Variants in PRLR observed in about 807,000 individuals in gnomAD.
PRLR encodes hPRL receptor.
Under a neutral mutation model 40.2 loss-of-function variants are expected in PRLR, and 13 were observed. The observed-to-expected ratio is 0.32, with a 90% CI of 0.21 to 0.51. The LOEUF (loss-of-function observed/expected upper bound fraction) is 0.51. Among genes scored for constraint, PRLR ranks in the 20% least tolerant of loss-of-function variants. The pLI, the probability that PRLR is intolerant of heterozygous loss-of-function variation, is 0.97. For synonymous variants in PRLR, 269 were observed against 278.7 expected (o/e 0.97, Z 0.35); for missense variants, 656 against 747.3 (o/e 0.88, Z 1.42).
chr5:35,050,595 TG>T (rs1768462186), intron 8 of PRLR, among the ~76,000 whole-genome samples: 2 of 152,116 alleles, frequency 1.3e-5, no homozygotes, highest in Admixed American at 6.5e-5. Flanking sequence ...ACTTCACAAA[TG>T]GGGAAACTTG....
intron 2 of PRLR, among the ~76,000 whole-genome samples, chr5:35,090,237 A>G (rs1771114310): frequency 1.3e-5 from 2 of 152,208 alleles, no homozygotes; most frequent in Admixed American, 1.3e-4. Context: ...GTGAACCTCC[A>G]CGTGGTTTCT....
At chr5:35,177,939 G>T (rs1205742677) in intron 1 of PRLR, among the ~76,000 whole-genome samples, 1 of 151,042 alleles carries the variant, frequency 6.6e-6, no homozygotes, top group African/African-American at 2.4e-5. Context: ...GTGTATGAGG[G>T]TTCTAAATTG....
At chr5:35,098,170 G>A (rs1484412043) in intron 2 of PRLR, among the ~76,000 whole-genome samples, 1 of 152,182 alleles carries the variant, frequency 6.6e-6, no homozygotes, top group Non-Finnish European at 1.5e-5. Flanking sequence ...TGGCCCATGG[G>A]ATGTGAATGG....
intron 1 of PRLR, among the ~76,000 whole-genome samples, chr5:35,222,683 A>AT (rs1167167203): frequency 6.6e-6 from 1 of 152,174 alleles, no homozygotes; most frequent in East Asian, 1.9e-4. Context: ...AAGAAATAAC[A>AT]TTCTAACACC....
intron 1 of PRLR, among the ~76,000 whole-genome samples, chr5:35,151,584 A>G (rs901018821): frequency 6.6e-6 from 1 of 152,086 alleles, no homozygotes; most frequent in African/African-American, 2.4e-5. Flanking sequence ...CTAGATCAGA[A>G]AAGGCCAAGT....
intron 1 of PRLR, among the ~76,000 whole-genome samples, chr5:35,200,265 C>G (rs1046787198): frequency 1.3e-5 from 2 of 152,194 alleles, no homozygotes; most frequent in Non-Finnish European, 2.9e-5. Context: ...TGGCAGCTCT[C>G]CTGATAATCA....
chr5:35,113,868 G>A (rs1395489926), intron 2 of PRLR, among the ~76,000 whole-genome samples: 1 of 152,204 alleles, frequency 6.6e-6, no homozygotes, highest in Non-Finnish European at 1.5e-5. Context: ...ATAGCCCTGA[G>A]TATAGCTGGG....
intron 1 of PRLR, among the ~76,000 whole-genome samples, chr5:35,153,376 C>T (rs1774393522): frequency 6.6e-6 from 1 of 152,146 alleles, no homozygotes; most frequent in African/African-American, 2.4e-5. Flanking sequence ...CTGGGATTGT[C>T]TCTCTCAAAA....
chr5:35,073,056 T>C (rs1418971365), intron 5 of PRLR, among the ~76,000 whole-genome samples: 1 of 152,138 alleles, frequency 6.6e-6, no homozygotes, highest in Non-Finnish European at 1.5e-5. Context: ...GACCAGGTGA[T>C]AAAAACTGGG....
chr5:35,090,354 G>A (rs979569066), intron 2 of PRLR, among the ~76,000 whole-genome samples: 12 of 152,132 alleles, frequency 7.9e-5, no homozygotes. Context: ...CAGGGGTTGG[G>A]AGTTTGGAAT....
chr5:35,052,722 T>C (rs1269074907), downstream of PRLR, among the ~76,000 whole-genome samples: 1 of 152,168 alleles, frequency 6.6e-6, no homozygotes, highest in Admixed American at 6.5e-5. Context: ...AAGACCCCCT[T>C]TCCAGAGAGG....
In PRLR at chr5:35,060,308, C is replaced by T. The variant is rs1427431185; in HGVS notation, c.*4781G>A. ...AGGCTCTGGAGAAGGAGTAAAAACC[C>T]TACAAATATGTAAAGCCAGGAAGGA... is the stretch of plus-strand genomic sequence containing the variant. On this transcript the variant is annotated 3_prime_UTR_variant, in exon 10 of 10. Coordinates refer to ENST00000618457, the MANE Select transcript of PRLR (RefSeq NM_000949.7). 6.6e-6 allele frequency: 1 copy of T among 152,122 alleles called. No homozygotes were observed. The highest frequency in any genetic ancestry group is 1.9e-4 in the East Asian group (1 of 5,194). 9.4% of individuals were successfully genotyped at this position (152,122 alleles called of 1,614,324 possible). A position where few individuals can be genotyped will look rare whatever the true frequency, so the allele number is the denominator to read the frequency against.
intron 1 of PRLR, among the ~76,000 whole-genome samples, chr5:35,125,877 G>C (rs1193121384): frequency 6.6e-6 from 1 of 152,168 alleles, no homozygotes; most frequent in Non-Finnish European, 1.5e-5. Context: ...TGTCAGCCTG[G>C]TTGGGGAACA....
chr5:35,075,366 G>A (rs1229064119), intron 5 of PRLR, among the ~76,000 whole-genome samples: 1 of 152,220 alleles, frequency 6.6e-6, no homozygotes, highest in African/African-American at 2.4e-5. Flanking sequence ...AACAGTCTTA[G>A]CAAATGGCAT....
In PRLR at chr5:35,059,217, G is replaced by A. The variant is rs988407258; in HGVS notation, c.*5872C>T. Reference sequence around the variant, plus strand: ...TTTTTTTCTTTTTAATCAGCAGCAAGCAGAATGTTAATTAATAGTCTAAGA... The same window carrying A: ...TTTTTTTCTTTTTAATCAGCAGCAAACAGAATGTTAATTAATAGTCTAAGA... On this transcript the variant is annotated 3_prime_UTR_variant, in exon 10 of 10. Transcript: ENST00000618457. 1 of 152,012 alleles carries A rather than the reference G, an allele frequency of 6.6e-6. No individual in the cohort carries two copies. The highest frequency in any genetic ancestry group is 2.1e-4 in the South Asian group (1 of 4,834). The allele number at this position is 152,012 out of a possible 1,614,324, so 9.4% of individuals were successfully genotyped here. A position where few individuals can be genotyped will look rare whatever the true frequency, so the allele number is the denominator to read the frequency against.
At position 35,090,601 on chromosome 5, in the gene PRLR, T is replaced by C. The variant is rs557034777; in HGVS notation, c.-43-938A>G. Among the ~76,000 whole-genome samples, 4 of 152,060 alleles carry C rather than the reference T, an allele frequency of 2.6e-5. No homozygotes were observed. In the South Asian group the frequency reaches 8.3e-4, roughly 32 times the overall value. ...TTTCATTTTGTTGTTGTTGTTGTTGTTGTTGTTTTAATCAAGGGAAGAACA... is the reference window on the plus strand; with the variant it reads ...TTTCATTTTGTTGTTGTTGTTGTTGCTGTTGTTTTAATCAAGGGAAGAACA... On this transcript the variant is annotated intron_variant, in intron 2 of 9. Coordinates refer to ENST00000618457, the MANE Select transcript of PRLR (RefSeq NM_000949.7).
intron 1 of PRLR, among the ~76,000 whole-genome samples, chr5:35,128,377 T>A (rs945298223): frequency 1.4e-4 from 21 of 151,300 alleles, no homozygotes; most frequent in African/African-American, 4.6e-4. Flanking sequence ...ACATAAGACC[T>A]ATTCACATCC....
At chr5:35,097,877 T>C (rs1456818654) in intron 2 of PRLR, among the ~76,000 whole-genome samples, 2 of 152,124 alleles carry the variant, frequency 1.3e-5, no homozygotes, top group South Asian at 2.1e-4. Flanking sequence ...ATGATTCTTA[T>C]CACGCTCAAG....
Position 35,065,259 on chromosome 5 carries a change from T to C in PRLR, c.1699A>G (p.Lys567Glu), listed in dbSNP as rs1406388342. 13 of 1,614,178 alleles carry C rather than the reference T, an allele frequency of 8.1e-6. No individual in the cohort carries two copies. The highest frequency in any genetic ancestry group is 1.1e-5 in the South Asian group (1 of 91,076). ...ILVLVPDPHA[K>E]NVACFEESAK... The stretch of plus-strand genomic sequence containing the variant: ...GATTCTTCAAAGCAAGCCACGTTTT[T>C]AGCATGTGGATCTGGCACCAACACC... Residue 567 changes from lysine (K) to glutamate (E), a missense_variant, in exon 10 of 10, where the codon AAA becomes GAA. Lys to Glu is a moderately conservative substitution (Grantham distance 56). Transcript: ENST00000618457.
Sources: allele counts gnomAD v4.1 joint callset (sites outside exome capture counted in the v4.1 genomes callset), GRCh38; gene constraint gnomAD v4.1.1; transcripts MANE v1.5; gene names NCBI Gene and HGNC (gene_info 2026-07-23, HGNC 2026-07-21).